Variants in VWC2 observed in about 807,000 individuals in gnomAD.
VWC2 encodes von Willebrand factor C domain containing 2.
VWC2 carries 14 observed loss-of-function variants against 29.8 expected under a neutral mutation model. The observed-to-expected ratio is 0.47, with a 90% CI of 0.31 to 0.74. The LOEUF (loss-of-function observed/expected upper bound fraction) is 0.74, where lower values mean the gene tolerates loss of function less well. VWC2 is among the 30% of genes least tolerant of loss of function. The pLI, the probability that VWC2 is intolerant of heterozygous loss-of-function variation, is 0.05. For missense variants in VWC2, 457 were observed against 459.8 expected (o/e 0.99, Z 0.05); for synonymous variants, 213 against 199.0 (o/e 1.07, Z -0.59).
intron 3 of VWC2, among the ~76,000 whole-genome samples, chr7:49,889,527 T>A (rs1792040203): frequency 6.6e-6 from 1 of 150,916 alleles, no homozygotes; most frequent in Non-Finnish European, 1.5e-5. Context: ...AAAGAAGGAG[T>A]CCCGGGAGCT....
intron 2 of VWC2, 103 bp from the exon 3 acceptor site, chr7:49,802,608 A>G (rs1788767671): frequency 4.1e-6 from 6 of 1,472,876 alleles, no homozygotes; most frequent in Non-Finnish European, 5.6e-6. Context: ...ACTGCACTCC[A>G]GTGTGAGCGA....
chr7:49,812,024 A>G (rs1007856927), intron 3 of VWC2, among the ~76,000 whole-genome samples: 5 of 152,218 alleles, frequency 3.3e-5, no homozygotes, highest in African/African-American at 1.2e-4. Context: ...ATACTACAAC[A>G]TGGGTGAACC....
chr7:49,788,564 T>C (rs543048149), intron 2 of VWC2, among the ~76,000 whole-genome samples: 74 of 141,800 alleles, frequency 5.2e-4, no homozygotes, highest in African/African-American at 2.1e-3. Flanking sequence ...TGAGAGTGTG[T>C]GAGTGTGGGC....
intron 3 of VWC2, among the ~76,000 whole-genome samples, chr7:49,826,415 A>G (rs940698324): frequency 1.3e-5 from 2 of 152,246 alleles, no homozygotes; most frequent in Non-Finnish European, 1.5e-5. Flanking sequence ...CAAAAAAACT[A>G]GTGGACTGAA....
intron 3 of VWC2, among the ~76,000 whole-genome samples, chr7:49,824,167 A>G (rs752152070): frequency 1.3e-5 from 2 of 152,114 alleles, no homozygotes; most frequent in Non-Finnish European, 2.9e-5. Context: ...TGTCTATGAA[A>G]TATTTGCCTA....
chr7:49,857,549 T>C (rs1479558887), intron 3 of VWC2, among the ~76,000 whole-genome samples: 2 of 152,194 alleles, frequency 1.3e-5, no homozygotes, highest in Admixed American at 6.5e-5. Flanking sequence ...GAAGAAAAAG[T>C]GCTCAACATT....
At chr7:49,776,157 AC>A in intron 2 of VWC2, 26 bp downstream of exon 2, 1 of 1,482,650 alleles carries the variant, frequency 6.7e-7, no homozygotes, top group Non-Finnish European at 9.0e-7. Context: ...CCGCCGGGCG[AC>A]TTTGCACCTT....
At chr7:49,856,764 G>T (rs1790432915) in intron 3 of VWC2, among the ~76,000 whole-genome samples, 1 of 152,072 alleles carries the variant, frequency 6.6e-6, no homozygotes, top group South Asian at 2.1e-4. Context: ...CACGTAACAT[G>T]ATTGGGAGGC....
intron 3 of VWC2, among the ~76,000 whole-genome samples, chr7:49,884,805 G>GA (rs1791824741): frequency 6.6e-6 from 1 of 151,604 alleles, no homozygotes; most frequent in African/African-American, 2.4e-5. Context: ...CCAAAGGAGA[G>GA]AAAAACAAAA....
chr7:49,779,022 C>A (rs2128701039), intron 2 of VWC2, among the ~76,000 whole-genome samples: 1 of 150,126 alleles, frequency 6.7e-6, no homozygotes, highest in South Asian at 2.1e-4. Flanking sequence ...ACAGTCTGTT[C>A]TCTGCTTCCA....
intron 2 of VWC2, among the ~76,000 whole-genome samples, chr7:49,796,313 A>T (rs1248108031): frequency 6.6e-6 from 1 of 152,112 alleles, no homozygotes; most frequent in African/African-American, 2.4e-5. Context: ...CATGCCTCCC[A>T]TTTGTCTGCT....
At position 49,919,653 on chromosome 7, in the gene VWC2, GTGTA is replaced by G. The variant is rs1793918856; in HGVS notation, c.*7471_*7474del. Reference sequence around the variant, plus strand: ...ATAATGTTAAATCTGTAGTTTCAAGGTGTATGCTATTTCTTAAAACAAAAACAAA... The same window carrying G: ...ATAATGTTAAATCTGTAGTTTCAAGGTGCTATTTCTTAAAACAAAAACAAA... On this transcript the variant is annotated 3_prime_UTR_variant, in exon 4 of 4. Transcript: ENST00000340652. 1 of 152,058 alleles carries G rather than the reference GTGTA, an allele frequency of 6.6e-6. No individual in the cohort carries two copies. The highest frequency in any genetic ancestry group is 1.5e-5 in the Non-Finnish European group (1 of 68,002). The allele number at this position is 152,058 out of a possible 1,614,324, so 9.4% of individuals were successfully genotyped here.
chr7:49,880,887 G>T (rs915421892), intron 3 of VWC2, among the ~76,000 whole-genome samples: 1 of 152,140 alleles, frequency 6.6e-6, no homozygotes, highest in Non-Finnish European at 1.5e-5. Flanking sequence ...TAGGATTAAA[G>T]GTTCTCTTAC....
intron 3 of VWC2, among the ~76,000 whole-genome samples, chr7:49,893,243 A>G (rs1792220412): frequency 1.3e-5 from 2 of 152,158 alleles, no homozygotes; most frequent in African/African-American, 4.8e-5. Flanking sequence ...GGAGTTATGC[A>G]CTAGGTTCCA....
Position 49,915,331 on chromosome 7 carries a change from C to T in VWC2, c.*3146C>T, listed in dbSNP as rs922442932. On this transcript the variant is annotated 3_prime_UTR_variant, in exon 4 of 4. Coordinates refer to ENST00000340652, the MANE Select transcript of VWC2 (RefSeq NM_198570.5). ...ATCAAGGGGTCTGTAAGCCTTGAAA[C>T]TAATTTAGGTTTGATTATAATACTT... The T allele has an allele frequency of 3.3e-5, 5 of 152,216 alleles. No homozygotes were observed. The highest frequency in any genetic ancestry group is 1.5e-5 in the Non-Finnish European group (1 of 68,030). 9.4% of individuals were successfully genotyped at this position (152,216 alleles called of 1,614,324 possible). A position where few individuals can be genotyped will look rare whatever the true frequency, so the allele number is the denominator to read the frequency against.
At chr7:49,800,356 C>A (rs774022009) in intron 2 of VWC2, among the ~76,000 whole-genome samples, 3 of 152,192 alleles carry the variant, frequency 2.0e-5, no homozygotes, top group African/African-American at 4.8e-5. Flanking sequence ...AGGGCCCTCC[C>A]CGGCGATATG....
chr7:49,785,142 CATGGAATTAATATTCA>C (rs1204064490), intron 2 of VWC2, among the ~76,000 whole-genome samples: 3 of 152,110 alleles, frequency 2.0e-5, no homozygotes, highest in African/African-American at 7.2e-5. Context: ...ATATCAATCC[CATGGAATTAATATTCA>C]ATGGGAGGGA....
In VWC2 at chr7:49,856,434, T is replaced by G. The variant is rs1250540765; in HGVS notation, c.826+53594T>G. ...TCCTGAGGTTCACCAGAAAAAGATG[T>G]TGGCCCCATGCTTCTTGTACAGGCT... On this transcript the variant is annotated intron_variant, in intron 3 of 3. Transcript: ENST00000340652. Among the ~76,000 whole-genome samples, 4 of 152,226 alleles carry G rather than the reference T, an allele frequency of 2.6e-5. No homozygotes were observed. The East Asian group carries it at 7.7e-4, about 29-fold the overall frequency.
At chr7:49,860,986 C>A (rs1322010877) in intron 3 of VWC2, among the ~76,000 whole-genome samples, 2 of 152,170 alleles carry the variant, frequency 1.3e-5, no homozygotes, top group Non-Finnish European at 2.9e-5. Context: ...TTTAAGCAAA[C>A]CAGTCTGTGG....
Sources: allele counts gnomAD v4.1 joint callset (sites outside exome capture counted in the v4.1 genomes callset), GRCh38; gene constraint gnomAD v4.1.1; transcripts MANE v1.5; gene names NCBI Gene and HGNC (gene_info 2026-07-23, HGNC 2026-07-21).